Variants in COBL observed in about 807,000 individuals in gnomAD.
The protein encoded by COBL is cordon-bleu WH2 repeat protein.
A neutral mutation model predicts 98.8 loss-of-function variants in COBL; 51 were observed. The observed-to-expected ratio is 0.52, with a 90% confidence interval of 0.41 to 0.65. COBL has a LOEUF of 0.65. Ranked by LOEUF, COBL falls within the 30% of genes least tolerant of loss-of-function variation. COBL has a pLI of 0.00. For missense variants in COBL, 1,617 were observed against 1,617.5 expected (o/e 1.00, Z 0.01); for synonymous variants, 634 against 651.7 (o/e 0.97, Z 0.41).
chr7:51,274,587 T>G (rs973971236), intron 1 of COBL, among the ~76,000 whole-genome samples: 6 of 152,224 alleles, frequency 3.9e-5, no homozygotes, highest in African/African-American at 1.4e-4. Flanking sequence ...GTGACTTTAC[T>G]ATGGAAGGCT....
intron 7 of COBL, among the ~76,000 whole-genome samples, chr7:51,047,890 G>A (rs1040040815): frequency 6.6e-6 from 1 of 152,176 alleles, no homozygotes; most frequent in African/African-American, 2.4e-5. Flanking sequence ...GTGGGGGCCA[G>A]GTGCAGTGGC....
At chr7:51,278,929 T>C (rs1469707277) in intron 1 of COBL, among the ~76,000 whole-genome samples, 2 of 152,250 alleles carry the variant, frequency 1.3e-5, no homozygotes, top group Admixed American at 6.5e-5. Flanking sequence ...ACAATGCACA[T>C]TGTGACTAAT....
At chr7:51,105,917 C>A (rs942806046) in intron 6 of COBL, among the ~76,000 whole-genome samples, 1 of 151,964 alleles carries the variant, frequency 6.6e-6, no homozygotes, top group Admixed American at 6.6e-5. Context: ...TTTGGGAGCA[C>A]CTGGCACCTT....
At chr7:51,269,625 T>TA (rs1262373470) in intron 1 of COBL, among the ~76,000 whole-genome samples, 3 of 152,168 alleles carry the variant, frequency 2.0e-5, no homozygotes, top group African/African-American at 4.8e-5. Flanking sequence ...ACACACAAGA[T>TA]ACACTCAGCT....
chr7:51,163,716 T>G (rs1562983504), intron 5 of COBL, among the ~76,000 whole-genome samples: 1 of 152,242 alleles, frequency 6.6e-6, no homozygotes, highest in Non-Finnish European at 1.5e-5. Context: ...CACATCTTCA[T>G]GTACCATAGC....
intron 5 of COBL, among the ~76,000 whole-genome samples, chr7:51,165,017 T>C (rs966373696): frequency 7.9e-5 from 12 of 151,564 alleles, no homozygotes; most frequent in Non-Finnish European, 3.0e-5. Flanking sequence ...AAGGAAGAAA[T>C]TGAATCATAC....
Position 51,273,486 on chromosome 7 carries a change from AAAAC to A in COBL, c.41+43103_41+43106del, listed in dbSNP as rs374302613. Among the ~76,000 whole-genome samples the A allele has an allele frequency of 7.5e-3, 1,150 of 152,350 alleles. 15 individuals carry two copies. Among genetic ancestry groups the A allele is most frequent in the African/African-American group, 0.027 (1,118 of 41,576 alleles). ...AAAATTCCTCATTTACCAAAAAACA[AAAAC>A]AAACCCATATCTGCAGTGACATTCC... On this transcript the variant is annotated intron_variant, in intron 1 of 12. Coordinates refer to ENST00000265136, the MANE Select transcript of COBL (RefSeq NM_015198.5).
At chr7:51,212,140 T>C (rs1013173392) in intron 2 of COBL, among the ~76,000 whole-genome samples, 8 of 152,210 alleles carry the variant, frequency 5.3e-5, no homozygotes, top group Non-Finnish European at 8.8e-5. Flanking sequence ...ATTTTTTTTG[T>C]ATTTGTTGTG....
At chr7:51,019,478 G>T (rs921153502) in intron 12 of COBL, among the ~76,000 whole-genome samples, 1 of 152,196 alleles carries the variant, frequency 6.6e-6, no homozygotes, top group African/African-American at 2.4e-5. Flanking sequence ...TAGACTGAGG[G>T]AGGCTTTCTG....
chr7:51,219,872 C>A lies in COBL; in HGVS notation c.114G>T (p.Lys38Asn). The part of the protein sequence containing the change: ...AATLHVHSDQ[K>N]PPHDGALGSQ... ...ACCCGAGGGCCCCATCGTGGGGGGG[C>A]TTCTGGTCACTGTGCACATGCAGAG... is the stretch of plus-strand genomic sequence containing the variant. Residue 38 changes from lysine (K) to asparagine (N), a missense_variant, in exon 2 of 13, where the codon AAG becomes AAT. This residue lies in a region of COBL where 238 missense variants were observed against 215.0 expected (regional missense o/e 1.11). Coordinates refer to ENST00000265136, the MANE Select transcript of COBL (RefSeq NM_015198.5). 1.9e-6 allele frequency: 3 copies of A among 1,613,356 alleles called. No homozygotes were observed. The highest frequency in any genetic ancestry group is 2.5e-6 in the Non-Finnish European group (3 of 1,180,028).
intron 6 of COBL, among the ~76,000 whole-genome samples, chr7:51,125,263 C>T (rs1798094668): frequency 6.6e-6 from 1 of 152,160 alleles, no homozygotes; most frequent in Non-Finnish European, 1.5e-5. Flanking sequence ...GAGGAAGGGA[C>T]ACCTGGGATG....
intron 1 of COBL, among the ~76,000 whole-genome samples, chr7:51,276,421 G>A (rs1397639558): frequency 3.9e-5 from 6 of 152,222 alleles, no homozygotes; most frequent in Admixed American, 6.5e-5. Flanking sequence ...TCCTCCGGCC[G>A]GGGACGGGCC....
At chr7:51,141,602 C>G (rs77475303) in intron 5 of COBL, among the ~76,000 whole-genome samples, 1 of 151,632 alleles carries the variant, frequency 6.6e-6, no homozygotes, top group Non-Finnish European at 1.5e-5. Context: ...TCTCCTTAGA[C>G]GATGCTGCCC....
At chr7:51,250,223 A>T (rs1433359593) in intron 1 of COBL, among the ~76,000 whole-genome samples, 2 of 152,156 alleles carry the variant, frequency 1.3e-5, no homozygotes, top group Non-Finnish European at 2.9e-5. Flanking sequence ...ACCCCGCACC[A>T]AACAGCCTTG....
intron 12 of COBL, among the ~76,000 whole-genome samples, chr7:51,024,280 AC>A (rs1787272319): frequency 6.6e-6 from 1 of 152,110 alleles, no homozygotes; most frequent in Non-Finnish European, 1.5e-5. Context: ...CTGCACTCCA[AC>A]CTGGGCGACA....
chr7:51,198,502 T>G (rs1455050062), intron 2 of COBL, among the ~76,000 whole-genome samples: 1 of 152,176 alleles, frequency 6.6e-6, no homozygotes, highest in East Asian at 1.9e-4. Context: ...GATCTTCTTG[T>G]GAAGTGTCTT....
In COBL at chr7:51,288,158, G is replaced by T. The variant is rs189661550; in HGVS notation, c.41+28435C>A. 1.1e-3 allele frequency among the ~76,000 whole-genome samples: 167 copies of T among 152,294 alleles called. 2 individuals carry two copies. The highest frequency in any genetic ancestry group is 4.6e-3 in the Admixed American group (71 of 15,304). On this transcript the variant is annotated intron_variant, in intron 1 of 12. Transcript: ENST00000265136. ...TTTAAAAAATACAAATGGGGGCCAG[G>T]CATGATGGCTCACGTCTGTAATCCC...
chr7:51,248,387 C>CA (rs1211813847), intron 1 of COBL, among the ~76,000 whole-genome samples: 2 of 152,106 alleles, frequency 1.3e-5, no homozygotes, highest in Non-Finnish European at 2.9e-5. Flanking sequence ...ATGGGCTTTG[C>CA]AGTTCCTCAA....
intron 1 of COBL, among the ~76,000 whole-genome samples, chr7:51,261,713 T>A (rs1425337692): frequency 1.3e-5 from 2 of 152,042 alleles, no homozygotes; most frequent in African/African-American, 4.8e-5. Flanking sequence ...ACGCCTGTAG[T>A]CCCAGCACTT....
Sources: allele counts gnomAD v4.1 joint callset (sites outside exome capture counted in the v4.1 genomes callset), GRCh38; gene constraint gnomAD v4.1.1; regional missense constraint gnomAD v4.1.1; transcripts MANE v1.5; gene names NCBI Gene and HGNC (gene_info 2026-07-23, HGNC 2026-07-21).